The following GPR39 variants were observed in gnomAD, a reference collection of about 807,000 sequenced individuals.
The protein encoded by GPR39 is G protein-coupled receptor 39.
Under a neutral mutation model 18.4 loss-of-function variants are expected in GPR39, and 23 were observed. The observed-to-expected ratio is 1.25, with a 90% CI of 0.90 to 1.77. The LOEUF (loss-of-function observed/expected upper bound fraction) is 1.77. Among genes scored for constraint, GPR39 ranks in the 40% most tolerant of loss-of-function variants. The pLI is 0.00. For synonymous variants in GPR39, 280 were observed against 257.9 expected, an observed-to-expected ratio of 1.09 and a Z score of -0.82; for missense variants, 647 against 602.4, an observed-to-expected ratio of 1.07 and a Z score of -0.78.
chr2:132,555,233 A>AGCCACCAT (rs55701348), intron 1 of GPR39, among the ~76,000 whole-genome samples: 69,631 of 151,422 alleles, frequency 0.46, 16,451 homozygotes, highest in East Asian at 0.85. Context: ...TACAGGTGTG[A>AGCCACCAT]GCCTGGCCTC....
chr2:132,458,096 C>T (rs545386209), intron 1 of GPR39, among the ~76,000 whole-genome samples: 11 of 152,272 alleles, frequency 7.2e-5, no homozygotes, highest in Middle Eastern at 3.4e-3. Context: ...CTGGGTGAGA[C>T]GATGCCCTGC....
chr2:132,636,055 C>G (rs560375738), intron 1 of GPR39, among the ~76,000 whole-genome samples: 1 of 152,154 alleles, frequency 6.6e-6, no homozygotes. Flanking sequence ...GTTATGGCAG[C>G]CTGAGTTGAT....
chr2:132,578,021 T>C (rs1458882784), intron 1 of GPR39, among the ~76,000 whole-genome samples: 2 of 151,838 alleles, frequency 1.3e-5, no homozygotes, highest in Non-Finnish European at 2.9e-5. Flanking sequence ...TTGTAGATTA[T>C]CATTATCAAG....
chr2:132,611,052 G>T (rs1681231399), intron 1 of GPR39, among the ~76,000 whole-genome samples: 1 of 152,218 alleles, frequency 6.6e-6, no homozygotes, highest in African/African-American at 2.4e-5. Context: ...CTATGGTCCA[G>T]TCAGCCATTT....
At chr2:132,587,910 G>A (rs1279980024) in intron 1 of GPR39, among the ~76,000 whole-genome samples, 1 of 152,140 alleles carries the variant, frequency 6.6e-6, no homozygotes, top group Non-Finnish European at 1.5e-5. Context: ...GAACAGAGAG[G>A]GCAGTCTATT....
intron 1 of GPR39, among the ~76,000 whole-genome samples, chr2:132,474,677 G>A (rs969978810): frequency 1.3e-5 from 2 of 152,164 alleles, no homozygotes; most frequent in Non-Finnish European, 2.9e-5. Context: ...TCTATTGATC[G>A]AGGCAGCCCA....
intron 1 of GPR39, among the ~76,000 whole-genome samples, chr2:132,534,034 C>T (rs913929293): frequency 1.3e-5 from 2 of 151,762 alleles, no homozygotes; most frequent in African/African-American, 4.8e-5. Context: ...GCAAAAGAAA[C>T]TATCATCAGT....
At chr2:132,472,200 A>G (rs997978329) in intron 1 of GPR39, among the ~76,000 whole-genome samples, 2 of 152,128 alleles carry the variant, frequency 1.3e-5, no homozygotes, top group Non-Finnish European at 2.9e-5. Flanking sequence ...CATTAACATC[A>G]TCTTGTCTAA....
At chr2:132,456,489 A>C (rs1049616940) in intron 1 of GPR39, among the ~76,000 whole-genome samples, 2 of 152,266 alleles carry the variant, frequency 1.3e-5, no homozygotes, top group Non-Finnish European at 2.9e-5. Context: ...TTTAAGGGTA[A>C]TACTGTTATG....
chr2:132,533,410 G>A (rs1187110965), intron 1 of GPR39, among the ~76,000 whole-genome samples: 4 of 138,992 alleles, frequency 2.9e-5, no homozygotes, highest in Non-Finnish European at 4.7e-5. Flanking sequence ...CGTGAAAATG[G>A]CCATACTGCC....
chr2:132,478,018 C>G (rs1054579495), intron 1 of GPR39, among the ~76,000 whole-genome samples: 4 of 152,206 alleles, frequency 2.6e-5, no homozygotes, highest in African/African-American at 9.7e-5. Flanking sequence ...ATTCTATCCC[C>G]TTTACATGAA....
At chr2:132,488,172 G>A (rs765740658) in intron 1 of GPR39, among the ~76,000 whole-genome samples, 3 of 152,074 alleles carry the variant, frequency 2.0e-5, no homozygotes, top group Non-Finnish European at 2.9e-5. Context: ...TAAGACCTTT[G>A]TTAATAGGTA....
At chr2:132,447,051 G>C (rs897411230) in intron 1 of GPR39, among the ~76,000 whole-genome samples, 5 of 152,184 alleles carry the variant, frequency 3.3e-5, no homozygotes, top group African/African-American at 1.2e-4. Context: ...GGTCAAGAGA[G>C]CTGCTGAATT....
At chr2:132,438,002 G>A (rs1421055263) in intron 1 of GPR39, among the ~76,000 whole-genome samples, 1 of 152,178 alleles carries the variant, frequency 6.6e-6, no homozygotes, top group Non-Finnish European at 1.5e-5. Context: ...AGTATTTAGA[G>A]GTCATGTTGT....
intron 1 of GPR39, among the ~76,000 whole-genome samples, chr2:132,502,830 G>A (rs1304608158): frequency 6.6e-6 from 1 of 152,140 alleles, no homozygotes; most frequent in Non-Finnish European, 1.5e-5. Flanking sequence ...GAGCTCTGAA[G>A]TTCTTTCTTC....
chr2:132,543,934 C>A (rs1679900063), intron 1 of GPR39, among the ~76,000 whole-genome samples: 1 of 152,152 alleles, frequency 6.6e-6, no homozygotes, highest in African/African-American at 2.4e-5. Context: ...GCAGAAATTG[C>A]AGACAAAATT....
chr2:132,520,228 C>T (rs535646785), intron 1 of GPR39, among the ~76,000 whole-genome samples: 4 of 152,266 alleles, frequency 2.6e-5, no homozygotes, highest in Admixed American at 2.6e-4. Flanking sequence ...GGAAGCTTCC[C>T]CCACTCCACT....
chr2:132,417,298 G>C lies in GPR39; in HGVS notation c.256G>C (p.Gly86Arg). 6.2e-7 allele frequency: 1 copy of C among 1,614,092 alleles called. No individual in the cohort carries two copies. The highest frequency in any genetic ancestry group is 8.5e-7 in the Non-Finnish European group (1 of 1,180,024). Reference sequence around the variant, plus strand: ...CTCGGACATCTTGGTGTTCCTCATCGGCATGCCCATGGAGTTCTACAGCAT... The same window carrying C: ...CTCGGACATCTTGGTGTTCCTCATCCGCATGCCCATGGAGTTCTACAGCAT... ...ACSDILVFLI[G>R]MPMEFYSIIW... Residue 86 changes from glycine (G) to arginine (R), a missense_variant, in exon 1 of 2, where the codon GGC becomes CGC. By Grantham distance (125) the Gly-to-Arg change is moderately radical. Coordinates refer to ENST00000329321, the MANE Select transcript of GPR39 (RefSeq NM_001508.3).
At chr2:132,529,212 C>T (rs956719146) in intron 1 of GPR39, among the ~76,000 whole-genome samples, 1 of 152,240 alleles carries the variant, frequency 6.6e-6, no homozygotes, top group Non-Finnish European at 1.5e-5. Flanking sequence ...TTATATCCCA[C>T]ACCTGGCTCG....
Sources: gnomAD v4.1 joint callset for allele counts (sites outside exome capture counted in the v4.1 genomes callset) on GRCh38, gnomAD v4.1.1 for gene constraint, MANE v1.5 for transcripts, NCBI Gene and HGNC (gene_info 2026-07-23, HGNC 2026-07-21) for gene names.